Variants in RBFOX1 observed in about 807,000 individuals in gnomAD.
The protein encoded by RBFOX1 is RNA binding fox-1 homolog 1.
RBFOX1 carries 8 observed loss-of-function variants against 57.7 expected under a neutral mutation model. The ratio of observed to expected loss-of-function variants is 0.14; its 90% CI spans 0.08 to 0.25. RBFOX1 has a LOEUF of 0.25. Ranked by LOEUF, RBFOX1 falls within the 10% of genes least tolerant of loss-of-function variation. The probability of loss-of-function intolerance (pLI) is 1.00; values close to 1 mark genes in which losing one functional copy is unlikely to be tolerated. For synonymous variants in RBFOX1, 326 were observed against 222.4 expected (o/e 1.47, Z -4.15); for missense variants, 611 against 548.5 (o/e 1.11, Z -1.14).
At chr16:6,651,310 C>A (rs1255849881) in intron 2 of RBFOX1, among the ~76,000 whole-genome samples, 1 of 152,196 alleles carries the variant, frequency 6.6e-6, no homozygotes, top group African/African-American at 2.4e-5. Context: ...CCCCAGGTCG[C>A]CATCTTTCTC....
At chr16:5,321,609 G>A (rs896862885) in intron 1 of RBFOX1, among the ~76,000 whole-genome samples, 2 of 152,098 alleles carry the variant, frequency 1.3e-5, no homozygotes, top group African/African-American at 2.4e-5. Context: ...GAGCCACAGC[G>A]CCTGGCCAAG....
intron 2 of RBFOX1, among the ~76,000 whole-genome samples, chr16:5,567,005 G>C (rs2046096612): frequency 6.6e-6 from 1 of 152,264 alleles, no homozygotes; most frequent in African/African-American, 2.4e-5. Flanking sequence ...ACACATTTCT[G>C]TTCTCACTTT....
At chr16:6,843,114 C>T (rs1475819135) in intron 3 of RBFOX1, among the ~76,000 whole-genome samples, 1 of 152,010 alleles carries the variant, frequency 6.6e-6, no homozygotes, top group African/African-American at 2.4e-5. Flanking sequence ...TAGGTTGTTT[C>T]TTATTGTTGT....
intron 2 of RBFOX1, among the ~76,000 whole-genome samples, chr16:6,553,105 C>T (rs1447212549): frequency 2.6e-5 from 4 of 152,252 alleles, no homozygotes; most frequent in East Asian, 1.9e-4. Flanking sequence ...GTGGAAACGT[C>T]CCTAGGTAAC....
chr16:7,056,338 C>G (rs1224970255), intron 4 of RBFOX1, among the ~76,000 whole-genome samples: 4 of 152,134 alleles, frequency 2.6e-5, no homozygotes, highest in East Asian at 1.9e-4. Context: ...CTAGAGTAGA[C>G]TGAGTGTTCT....
intron 2 of RBFOX1, among the ~76,000 whole-genome samples, chr16:6,410,168 C>CTGTGTGTG (rs3066618): frequency 0.047 from 6,909 of 146,974 alleles, 260 homozygotes; most frequent in African/African-American, 0.1. Context: ...CATCATAAGG[C>CTGTGTGTG]TGTGTGTGTG....
intron 2 of RBFOX1, among the ~76,000 whole-genome samples, chr16:6,512,749 A>G (rs890885197): frequency 6.6e-6 from 1 of 152,264 alleles, no homozygotes. Context: ...TTCTGTGGCC[A>G]CAGGAGAGTC....
chr16:6,544,995 A>G (rs1400295456), intron 2 of RBFOX1, among the ~76,000 whole-genome samples: 2 of 152,218 alleles, frequency 1.3e-5, no homozygotes, highest in Non-Finnish European at 2.9e-5. Context: ...TTAAACTAAT[A>G]AATCTTTTTT....
chr16:5,593,169 G>A lies in RBFOX1; in HGVS notation c.259-5733G>A, dbSNP rs1387926271. 2.6e-5 allele frequency among the ~76,000 whole-genome samples: 4 copies of A among 152,170 alleles called. No individual in the cohort carries two copies. In the East Asian group the frequency reaches 5.8e-4, roughly 22 times the overall value. ...TGGGATACTGTGCAGCCATAAAAAA[G>A]GATGAGTTCATGTCCTTTGCAGGGA... On this transcript the variant is annotated intron_variant, in intron 2 of 2. Transcript: ENST00000585867.
At chr16:5,691,540 T>G (rs183307169) in intron 3 of RBFOX1, among the ~76,000 whole-genome samples, 2 of 152,340 alleles carry the variant, frequency 1.3e-5, no homozygotes, top group Non-Finnish European at 2.9e-5. Context: ...CCAAAATGCC[T>G]AGGACTAGAA....
intron 4 of RBFOX1, among the ~76,000 whole-genome samples, chr16:7,067,063 A>AAT (rs1397469649): frequency 6.6e-6 from 1 of 152,176 alleles, no homozygotes; most frequent in African/African-American, 2.4e-5. Flanking sequence ...AGTTAAGCTG[A>AAT]AGGGACACAC....
intron 14 of RBFOX1, among the ~76,000 whole-genome samples, chr16:7,682,261 T>C (rs892289402): frequency 6.6e-6 from 1 of 152,168 alleles, no homozygotes; most frequent in Non-Finnish European, 1.5e-5. Context: ...TTGCAGTCTC[T>C]GAGAAATCTG....
rs151313927 is a variant in RBFOX1 at position 6,181,384 on chromosome 16, G to A, written c.-126-135611G>A. On this transcript the variant is annotated intron_variant, in intron 1 of 15. Coordinates refer to ENST00000550418, the MANE Select transcript of RBFOX1 (RefSeq NM_018723.4). ...TTGCCTAAACTCCAGTCGATTTTTG[G>A]TGAATACTTGTTACATTATTGGAAT... 5.9e-5 allele frequency among the ~76,000 whole-genome samples: 9 copies of A among 152,232 alleles called. No homozygotes were observed. In the East Asian group the frequency reaches 1.4e-3, roughly 23 times the overall value.
chr16:5,963,078 T>C (rs1381424587), intron 4 of RBFOX1, among the ~76,000 whole-genome samples: 1 of 152,188 alleles, frequency 6.6e-6, no homozygotes. Flanking sequence ...GAGTTAATAT[T>C]TGAAAATGTA....
intron 4 of RBFOX1, among the ~76,000 whole-genome samples, chr16:7,406,640 C>T (rs2098344423): frequency 6.6e-6 from 1 of 152,154 alleles, no homozygotes; most frequent in African/African-American, 2.4e-5. Flanking sequence ...CCAAAGTGAC[C>T]ACGCACCCAC....
At chr16:6,417,012 C>A (rs1200616214) in intron 2 of RBFOX1, among the ~76,000 whole-genome samples, 1 of 151,892 alleles carries the variant, frequency 6.6e-6, no homozygotes, top group Non-Finnish European at 1.5e-5. Context: ...ATTCCTCTTT[C>A]TTTCTTTTTA....
intron 4 of RBFOX1, among the ~76,000 whole-genome samples, chr16:7,244,028 C>G (rs1290931534): frequency 2.0e-5 from 3 of 151,810 alleles, no homozygotes; most frequent in Non-Finnish European, 2.9e-5. Context: ...ATCAATATCT[C>G]AAAATGATCT....
At chr16:6,040,948 C>A (rs894700878) in intron 1 of RBFOX1, among the ~76,000 whole-genome samples, 2 of 152,056 alleles carry the variant, frequency 1.3e-5, no homozygotes, top group Non-Finnish European at 2.9e-5. Context: ...GTTGGCATAT[C>A]CATTCATCTT....
chr16:6,063,431 A>T (rs1033450418), intron 1 of RBFOX1, among the ~76,000 whole-genome samples: 1 of 150,492 alleles, frequency 6.6e-6, no homozygotes, highest in African/African-American at 2.4e-5. Context: ...TGTCTCAAGC[A>T]TTATCCATCA....
Sources: allele counts gnomAD v4.1 joint callset (sites outside exome capture counted in the v4.1 genomes callset), GRCh38; gene constraint gnomAD v4.1.1; transcripts MANE v1.5; gene names NCBI Gene and HGNC (gene_info 2026-07-23, HGNC 2026-07-21).